Variants in HDAC9 observed in about 807,000 individuals in gnomAD.
HDAC9 encodes the protein histone deacetylase 9.
A neutral mutation model predicts 139.4 loss-of-function variants in HDAC9; 41 were observed. The observed-to-expected ratio is 0.29, with a 90% CI of 0.23 to 0.38. The LOEUF is 0.38. HDAC9 is among the 10% of genes least tolerant of loss of function. The pLI, the probability that HDAC9 is intolerant of heterozygous loss-of-function variation, is 1.00. For synonymous variants in HDAC9, 517 were observed against 476.2 expected, an observed-to-expected ratio of 1.09 and a Z score of -1.12; for missense variants, 1,147 against 1,297.0, an observed-to-expected ratio of 0.88 and a Z score of 1.78.
intron 1 of HDAC9, among the ~76,000 whole-genome samples, chr7:18,347,971 A>G (rs540576311): frequency 3.9e-5 from 6 of 152,334 alleles, no homozygotes; most frequent in African/African-American, 1.4e-4. Flanking sequence ...GTTGACAGTC[A>G]TAGATTCTTG....
At chr7:18,588,739 A>G (rs773651984) in intron 3 of HDAC9, among the ~76,000 whole-genome samples, 71 of 152,186 alleles carry the variant, frequency 4.7e-4, no homozygotes, top group Non-Finnish European at 7.2e-4. Flanking sequence ...CGTGTGTGAA[A>G]AAAATATATT....
chr7:18,431,966 C>T (rs142015552), intron 1 of HDAC9, among the ~76,000 whole-genome samples: 101 of 152,310 alleles, frequency 6.6e-4, no homozygotes, highest in African/African-American at 2.0e-3. Flanking sequence ...CCTCTTCAAA[C>T]GCATCTTCTG....
chr7:18,134,343 T>C (rs1785243282), intron 1 of HDAC9, among the ~76,000 whole-genome samples: 1 of 152,154 alleles, frequency 6.6e-6, no homozygotes, highest in Admixed American at 6.6e-5. Flanking sequence ...CAAGGACTGC[T>C]AGGGAAAGAA....
intron 2 of HDAC9, among the ~76,000 whole-genome samples, chr7:18,499,739 A>C (rs1352774435): frequency 2.0e-5 from 3 of 152,202 alleles, no homozygotes; most frequent in African/African-American, 4.8e-5. Context: ...ACAATAAGGA[A>C]AGCTCATATT....
intron 23 of HDAC9, among the ~76,000 whole-genome samples, chr7:18,943,681 C>T (rs1005549222): frequency 4.6e-5 from 7 of 152,040 alleles, no homozygotes; most frequent in East Asian, 1.9e-4. Flanking sequence ...GTAATAATCT[C>T]GGAGTCTGAC....
chr7:18,889,458 T>A (rs970361513), intron 22 of HDAC9, among the ~76,000 whole-genome samples: 7 of 152,154 alleles, frequency 4.6e-5, no homozygotes, highest in Non-Finnish European at 7.4e-5. Context: ...AAATGATCTA[T>A]TTAAAAATAT....
intron 13 of HDAC9, among the ~76,000 whole-genome samples, chr7:18,747,513 T>G (rs1439066109): frequency 2.0e-5 from 3 of 152,178 alleles, no homozygotes; most frequent in South Asian, 2.1e-4. Flanking sequence ...TTTGTAAACA[T>G]GGGTAATATC....
At chr7:18,642,379 CCT>C (rs1239614626) in intron 8 of HDAC9, among the ~76,000 whole-genome samples, 1 of 152,078 alleles carries the variant, frequency 6.6e-6, no homozygotes, top group Non-Finnish European at 1.5e-5. Context: ...CTGTGGTTCC[CCT>C]GTCTTCCAGC....
chr7:18,718,908 T>A (rs1784917439), intron 12 of HDAC9, among the ~76,000 whole-genome samples: 1 of 152,222 alleles, frequency 6.6e-6, no homozygotes, highest in Non-Finnish European at 1.5e-5. Flanking sequence ...AAAATTCCAA[T>A]TTCTCTGCAT....
At chr7:18,552,385 A>T (rs1817443018) in intron 2 of HDAC9, among the ~76,000 whole-genome samples, 1 of 151,968 alleles carries the variant, frequency 6.6e-6, no homozygotes, top group African/African-American at 2.4e-5. Context: ...CAGGATTCTG[A>T]GTTTCCACTT....
At chr7:18,672,117 C>T (rs1795708741) in intron 12 of HDAC9, among the ~76,000 whole-genome samples, 1 of 151,822 alleles carries the variant, frequency 6.6e-6, no homozygotes, top group Non-Finnish European at 1.5e-5. Context: ...TTTAACTTTT[C>T]GAGGAACTGT....
intron 2 of HDAC9, among the ~76,000 whole-genome samples, chr7:18,163,942 G>A (rs544733011): frequency 3.9e-5 from 6 of 152,222 alleles, no homozygotes; most frequent in African/African-American, 1.4e-4. Flanking sequence ...CTCACTTGAA[G>A]CTGCTATTTT....
At chr7:18,697,621 A>G (rs980390532) in intron 12 of HDAC9, among the ~76,000 whole-genome samples, 2 of 152,124 alleles carry the variant, frequency 1.3e-5, no homozygotes, top group African/African-American at 2.4e-5. Flanking sequence ...TAAGATGGCT[A>G]ATCTTTTAGA....
At chr7:18,442,079 A>G (rs1034839584) in intron 1 of HDAC9, among the ~76,000 whole-genome samples, 1 of 152,044 alleles carries the variant, frequency 6.6e-6, no homozygotes, top group Non-Finnish European at 1.5e-5. Flanking sequence ...TGGGACTTAC[A>G]TATTTAGAAG....
intron 16 of HDAC9, among the ~76,000 whole-genome samples, chr7:18,773,380 C>T (rs909599475): frequency 1.1e-5 from 1 of 89,198 alleles, no homozygotes; most frequent in African/African-American, 5.4e-5. Flanking sequence ...CACACACACA[C>T]ACACACACAC....
chr7:18,354,025 A>C (rs939671300), intron 1 of HDAC9, among the ~76,000 whole-genome samples: 6 of 152,196 alleles, frequency 3.9e-5, no homozygotes, highest in Non-Finnish European at 8.8e-5. Context: ...AAGTTAAATT[A>C]AACCATTTGG....
At chr7:18,219,131 T>C (rs1458252470) in intron 2 of HDAC9, among the ~76,000 whole-genome samples, 3 of 152,192 alleles carry the variant, frequency 2.0e-5, no homozygotes, top group Non-Finnish European at 4.4e-5. Context: ...GCAGTTTGAA[T>C]TTTTTATTAC....
At chr7:18,829,638 G>A in intron 19 of HDAC9, 90 bp downstream of exon 19, 1 of 808,044 alleles carries the variant, frequency 1.2e-6, no homozygotes, top group Non-Finnish European at 2.0e-6. Context: ...CTTGCTTTTA[G>A]CACTTGCAAA....
chr7:18,589,108 A>G (rs544212103), intron 3 of HDAC9, among the ~76,000 whole-genome samples: 6 of 152,260 alleles, frequency 3.9e-5, no homozygotes, highest in African/African-American at 1.4e-4. Context: ...CATATCTACT[A>G]ATGTCAGAAC....
Sources: gnomAD v4.1 joint callset for allele counts (sites outside exome capture counted in the v4.1 genomes callset) on GRCh38, gnomAD v4.1.1 for gene constraint, MANE v1.5 for transcripts, NCBI Gene and HGNC (gene_info 2026-07-23, HGNC 2026-07-21) for gene names.